ZNF726: variants seen among roughly 807,000 people sequenced by gnomAD.
ZNF726 encodes the protein zinc finger protein 726, also known as zinc finger protein 92 pseudogene 3.
ZNF726 carries 15 observed loss-of-function variants against 11.6 expected under a neutral mutation model. The observed-to-expected ratio is 1.29, with a 90% CI of 0.86 to 1.99. ZNF726 has a LOEUF of 1.99. Ranked by LOEUF, ZNF726 falls within the 30% of genes most tolerant of loss-of-function variation. The pLI, the probability that ZNF726 is intolerant of heterozygous loss-of-function variation, is 0.00. For missense variants in ZNF726, 890 were observed against 725.6 expected, an observed-to-expected ratio of 1.23 and a Z score of -2.60; for synonymous variants, 295 against 243.6, an observed-to-expected ratio of 1.21 and a Z score of -1.96.
At chr19:23,927,216 C>T (rs1292461411) in intron 3 of ZNF726, among the ~76,000 whole-genome samples, 1 of 152,112 alleles carries the variant, frequency 6.6e-6, no homozygotes, top group African/African-American at 2.4e-5. Flanking sequence ...ATCCACCCGC[C>T]TCAGCCTCCC....
At chr19:23,936,331 G>A (rs965127455), downstream of ZNF726, among the ~76,000 whole-genome samples, 12 of 152,110 alleles carry the variant, frequency 7.9e-5, no homozygotes, top group Non-Finnish European at 8.8e-5. Context: ...AACATTATTT[G>A]TATATAACTT....
At chr19:23,938,612 T>C (rs1176455594), downstream of ZNF726, among the ~76,000 whole-genome samples, 46 of 83,174 alleles carry the variant, frequency 5.5e-4, no homozygotes, top group South Asian at 1.9e-3. Flanking sequence ...TTTTTTTTCC[T>C]TTTTTTTTTT....
At chr19:23,937,585 A>ATGG (rs1355744598), downstream of ZNF726, among the ~76,000 whole-genome samples, 3 of 132,794 alleles carry the variant, frequency 2.3e-5, no homozygotes, top group East Asian at 4.6e-4. Flanking sequence ...CCCAGATGGG[A>ATGG]TGGCGGCCGG....
intron 3 of ZNF726, among the ~76,000 whole-genome samples, chr19:23,922,943 T>C (rs1967889227): frequency 6.6e-6 from 1 of 151,932 alleles, no homozygotes; most frequent in African/African-American, 2.4e-5. Flanking sequence ...TTTATCTTAT[T>C]AATGCCACTC....
intron 1 of ZNF726, among the ~76,000 whole-genome samples, chr19:23,918,030 G>A (rs1386279055): frequency 6.6e-6 from 1 of 152,144 alleles, no homozygotes; most frequent in Non-Finnish European, 1.5e-5. Flanking sequence ...GCTAAACCCG[G>A]TTGGCTAACT....
At chr19:23,937,230 A>ATGG (rs1968254413), downstream of ZNF726, among the ~76,000 whole-genome samples, 1 of 143,322 alleles carries the variant, frequency 7.0e-6, no homozygotes, top group African/African-American at 2.6e-5. Flanking sequence ...CTGGCCGGGC[A>ATGG]GGGGGCTGAC....
intron 3 of ZNF726, among the ~76,000 whole-genome samples, chr19:23,930,177 T>C (rs1337787762): frequency 6.6e-6 from 1 of 152,214 alleles, no homozygotes; most frequent in Non-Finnish European, 1.5e-5. Context: ...AATTTTCATC[T>C]TTTTAAAGAG....
At chr19:23,915,658 G>A (rs889334680) in intron 1 of ZNF726, among the ~76,000 whole-genome samples, 2 of 151,878 alleles carry the variant, frequency 1.3e-5, no homozygotes, top group Non-Finnish European at 2.9e-5. Context: ...TCGGCTCACT[G>A]CAACCTCCAC....
exon 4 of ZNF726, chr19:23,943,514 G>T (rs762376412): frequency 1.1e-5 from 7 of 665,696 alleles, no homozygotes; most frequent in Admixed American, 2.0e-5. Context: ...CTCTAACCCT[G>T]ATCTGATCTC....
intron 3 of ZNF726, among the ~76,000 whole-genome samples, chr19:23,924,166 C>T (rs1967926403): frequency 6.6e-6 from 1 of 151,676 alleles, no homozygotes; most frequent in Admixed American, 6.6e-5. Flanking sequence ...GCCTCAGCCT[C>T]CTGAGTAGCT....
At chr19:23,920,131 C>A in intron 3 of ZNF726, 49 bp downstream of exon 3, 1 of 1,320,938 alleles carries the variant, frequency 7.6e-7, no homozygotes. Context: ...GGTCCAACGT[C>A]AAGAAGAAAG....
downstream of ZNF726, among the ~76,000 whole-genome samples, chr19:23,939,308 G>A (rs1210911370): frequency 1.3e-5 from 2 of 152,058 alleles, no homozygotes; most frequent in African/African-American, 4.8e-5. Flanking sequence ...ATTTCTTTTT[G>A]TGGTGAGTAG....
chr19:23,918,071 G>A (rs1967747886), intron 1 of ZNF726, among the ~76,000 whole-genome samples: 1 of 152,118 alleles, frequency 6.6e-6, no homozygotes, highest in South Asian at 2.1e-4. Context: ...TTATACCTGT[G>A]GCAAGGCAGG....
intron 3 of ZNF726, chr19:23,921,324 A>G (rs184022949): frequency 6.6e-6 from 1 of 152,422 alleles, no homozygotes; most frequent in Non-Finnish European, 1.5e-5. Flanking sequence ...TTGAAATTAT[A>G]AAGTATAATG....
chr19:23,931,278 C>A (rs185872116), intron 3 of ZNF726, among the ~76,000 whole-genome samples: 6 of 152,254 alleles, frequency 3.9e-5, no homozygotes, highest in South Asian at 4.1e-4. Flanking sequence ...CAGCCAAAAC[C>A]GCAACTGAGC....
rs181661694 is a variant in ZNF726 at position 23,919,487 on chromosome 19, C to T, written c.118C>T (p.Leu40=). The T allele has an allele frequency of 3.7e-4, 589 of 1,599,652 alleles. 4 individuals carry two copies. The highest frequency in any genetic ancestry group is 9.6e-5 in the Non-Finnish European group (113 of 1,173,790). The part of the protein sequence containing the change: ...RNVMLENYRN[L]AFLGIAVSKP... The stretch of plus-strand genomic sequence containing the variant: ...TGTGATGTTAGAGAACTACAGAAAC[C>T]TGGCCTTCCTGGGTGAGGATAACTT... Residue 40 remains leucine (L), a synonymous_variant, in exon 2 of 4, where the codon CTG becomes TTG. Coordinates refer to ENST00000594466, the MANE Select transcript of ZNF726 (RefSeq NM_001244038.2).
chr19:23,935,483 G>A (rs767110861), downstream of ZNF726: 5 of 475,038 alleles, frequency 1.1e-5, no homozygotes, highest in Non-Finnish European at 2.1e-5. Flanking sequence ...AATATGGAAA[G>A]CCTAAAAAAG....
At chr19:23,937,081 G>C (rs1459508265), downstream of ZNF726, among the ~76,000 whole-genome samples, 2 of 143,494 alleles carry the variant, frequency 1.4e-5, no homozygotes, top group African/African-American at 5.1e-5. Context: ...CTGGCCGGGC[G>C]GGGGGCTGAC....
At chr19:23,932,140 G>A (rs907426185) in intron 3 of ZNF726, among the ~76,000 whole-genome samples, 3 of 152,134 alleles carry the variant, frequency 2.0e-5, no homozygotes, top group East Asian at 3.9e-4. Flanking sequence ...CACAGTGAAT[G>A]TTCACATCTG....
Sources: allele counts gnomAD v4.1 joint callset (sites outside exome capture counted in the v4.1 genomes callset), GRCh38; gene constraint gnomAD v4.1.1; transcripts MANE v1.5; gene names NCBI Gene and HGNC (gene_info 2026-07-23, HGNC 2026-07-21).